SPTBN1: variants seen among roughly 807,000 people sequenced by gnomAD.
The protein encoded by SPTBN1 is spectrin beta chain, non-erythrocytic 1.
A neutral mutation model predicts 266.4 loss-of-function variants in SPTBN1; 32 were observed. The ratio of observed to expected loss-of-function variants is 0.12; its 90% confidence interval spans 0.09 to 0.16. The LOEUF (loss-of-function observed/expected upper bound fraction) is 0.16. Ranked by LOEUF, SPTBN1 falls within the 10% of genes least tolerant of loss-of-function variation. The pLI is 1.00. For synonymous variants in SPTBN1, 1,336 were observed against 1,162.2 expected, an observed-to-expected ratio of 1.15 and a Z score of -3.04; for missense variants, 2,296 against 3,067.1, an observed-to-expected ratio of 0.75 and a Z score of 5.94.
At chr2:54,477,879 C>T (rs560851263) in intron 1 of SPTBN1, among the ~76,000 whole-genome samples, 1 of 152,012 alleles carries the variant, frequency 6.6e-6, no homozygotes, top group South Asian at 2.1e-4. Context: ...CCGCTGCATT[C>T]CAGCCTGGGT....
intron 2 of SPTBN1, among the ~76,000 whole-genome samples, chr2:54,549,450 C>T (rs1396531236): frequency 2.6e-5 from 4 of 152,110 alleles, no homozygotes; most frequent in Non-Finnish European, 2.9e-5. Flanking sequence ...TTTTCTATTT[C>T]GGATCCTTTG....
Position 54,628,088 on chromosome 2 carries a change from T to C in SPTBN1, c.1645-9T>C. The C allele has an allele frequency of 6.2e-7, 1 of 1,602,752 alleles. No individual in the cohort carries two copies. The highest frequency in any genetic ancestry group is 8.5e-7 in the Non-Finnish European group (1 of 1,174,584). On this transcript the variant is annotated splice_polypyrimidine_tract_variant and intron_variant, in intron 12 of 35. Coordinates refer to ENST00000356805, the MANE Select transcript of SPTBN1 (RefSeq NM_003128.3). The surrounding 1 kb of genome is among the most constrained non-coding windows in gnomAD (Gnocchi z 4.3). ...CACAGATGTCCTTTTGGTTGCTTCT[T>C]GTGCACAGGTGCTAGTATTGTCTCA...
intron 1 of SPTBN1, among the ~76,000 whole-genome samples, chr2:54,484,777 G>C (rs1363508991): frequency 2.8e-5 from 4 of 141,656 alleles, no homozygotes. Context: ...GGTTGTGTCG[G>C]AGACAAGCTC....
chr2:54,565,222 T>G (rs1163159718), intron 2 of SPTBN1, among the ~76,000 whole-genome samples: 3 of 152,156 alleles, frequency 2.0e-5, no homozygotes, highest in Non-Finnish European at 4.4e-5. Flanking sequence ...CTTTGCAAAA[T>G]TTTGTGGTGG....
intron 26 of SPTBN1, 142 bp downstream of exon 26, chr2:54,650,131 A>G (rs1375806003): frequency 3.6e-6 from 4 of 1,114,498 alleles, no homozygotes; most frequent in Non-Finnish European, 3.8e-6. Flanking sequence ...ACTTTGTAAT[A>G]GTGCTCCATT....
In SPTBN1 at chr2:54,628,833, T is replaced by A; in HGVS notation, c.1799-100T>A. The stretch of plus-strand genomic sequence containing the variant: ...GCATTTACATTTAGCAGTGAGCTGG[T>A]AATCATAAGAATATGGGGTGTAGCT... On this transcript the variant is annotated intron_variant, in intron 13 of 35. Transcript: ENST00000356805. The surrounding 1 kb of genome is among the most constrained non-coding windows in gnomAD (Gnocchi z 4.3). 7.0e-7 allele frequency: 1 copy of A among 1,437,154 alleles called. No individual in the cohort carries two copies. Among genetic ancestry groups the A allele is most frequent in the Non-Finnish European group, 9.3e-7 (1 of 1,072,686 alleles). 89.0% of individuals were successfully genotyped at this position (1,437,154 alleles called of 1,614,324 possible).
Position 54,618,089 on chromosome 2 carries a change from T to C in SPTBN1, c.659T>C (p.Ile220Thr). 6.2e-7 allele frequency: 1 copy of C among 1,614,154 alleles called. No individual in the cohort carries two copies. Among genetic ancestry groups the C allele is most frequent in the Non-Finnish European group, 8.5e-7 (1 of 1,179,968 alleles). ...ALIHKHRPDL[I>T]DFDKLKKSNA... is the part of the protein sequence containing the mutation. Reference sequence around the variant, plus strand: ...GTTGTTCTGCACAGGCCTGACCTGATAGATTTTGACAAACTAAAGAAATCT... The same window carrying C: ...GTTGTTCTGCACAGGCCTGACCTGACAGATTTTGACAAACTAAAGAAATCT... The change falls in exon 7 of 36, where the codon ATA (isoleucine) becomes ACA (threonine). Residue 220 changes from isoleucine (I) to threonine (T), a missense_variant. By Grantham distance (89) the Ile-to-Thr change is moderately conservative. Coordinates refer to ENST00000356805, the MANE Select transcript of SPTBN1 (RefSeq NM_003128.3).
chr2:54,475,187 CAA>C (rs960879901), intron 1 of SPTBN1, among the ~76,000 whole-genome samples: 7 of 152,056 alleles, frequency 4.6e-5, no homozygotes, highest in African/African-American at 1.4e-4. Flanking sequence ...GCCTGGGTGA[CAA>C]GAGCGAAACT....
chr2:54,646,983 T>C lies in SPTBN1; in HGVS notation c.4867-148T>C. On this transcript the variant is annotated intron_variant, in intron 23 of 35. Transcript: ENST00000356805. This position sits in a 1 kb window ranked among gnomAD's most constrained non-coding sequence, Gnocchi z 4.4. ...GTCCATATGGAAGCTCTTGGAACAC[T>C]TCTGTGTTCCACTGTCCGTACTGCA... 8.8e-7 allele frequency: 1 copy of C among 1,134,402 alleles called. No homozygotes were observed. The highest frequency in any genetic ancestry group is 1.2e-6 in the Non-Finnish European group (1 of 811,044). 70.3% of individuals were successfully genotyped at this position (1,134,402 alleles called of 1,614,324 possible).
At position 54,646,555 on chromosome 2, in the gene SPTBN1, G is replaced by A; in HGVS notation, c.4866+80G>A. On this transcript the variant is annotated intron_variant, in intron 23 of 35. Coordinates refer to ENST00000356805, the MANE Select transcript of SPTBN1 (RefSeq NM_003128.3). This position sits in a 1 kb window ranked among gnomAD's most constrained non-coding sequence, Gnocchi z 4.4. The stretch of plus-strand genomic sequence containing the variant: ...GGGCACACTTTCTGCTGGCGGCTCT[G>A]TCTGTATAAAAACTTCCCTTGTAGC... 7.1e-7 allele frequency: 1 copy of A among 1,415,858 alleles called. No individual in the cohort carries two copies. The highest frequency in any genetic ancestry group is 9.2e-7 in the Non-Finnish European group (1 of 1,083,994). 87.7% of individuals were successfully genotyped at this position (1,415,858 alleles called of 1,614,324 possible).
chr2:54,519,964 G>A (rs1670339179), intron 1 of SPTBN1, among the ~76,000 whole-genome samples: 1 of 152,182 alleles, frequency 6.6e-6, no homozygotes, highest in African/African-American at 2.4e-5. Context: ...AGGAGATGCA[G>A]GGCGTAGAGG....
chr2:54,470,630 T>C (rs752940732), intron 1 of SPTBN1, among the ~76,000 whole-genome samples: 2 of 152,224 alleles, frequency 1.3e-5, no homozygotes, highest in Non-Finnish European at 2.9e-5. Context: ...TTGCCAAATA[T>C]TAAAAATTAG....
rs1479567789 is a variant in SPTBN1 at position 54,629,372 on chromosome 2, G to C, written c.2238G>C (p.Leu746=). The C allele has an allele frequency of 6.2e-7, 1 of 1,614,124 alleles. No homozygotes were observed. The highest frequency in any genetic ancestry group is 8.5e-7 in the Non-Finnish European group (1 of 1,180,044). ...RKKRLEEASL[L]HQFQADADDI... is the part of the protein sequence containing the mutation. ...AGCGCCTGGAGGAGGCCTCCCTGCT[G>C]CACCAGTTCCAGGCAGATGCTGATG... is the stretch of plus-strand genomic sequence containing the variant. The change falls in exon 14 of 36, where the codon CTG becomes CTC. Residue 746 remains leucine, a synonymous_variant. Transcript: ENST00000356805.
chr2:54,670,381 C>G lies in SPTBN1; in HGVS notation c.*1812C>G, dbSNP rs1241944326. 1 of 256,042 alleles carries G rather than the reference C, an allele frequency of 3.9e-6. No individual in the cohort carries two copies. Among genetic ancestry groups the G allele is most frequent in the South Asian group, 1.7e-4 (1 of 5,746 alleles). The allele number at this position is 256,042 out of a possible 1,614,324, so 15.9% of individuals were successfully genotyped here. ...CAATGGATATTAGTATTATGGATGT[C>G]CAGTAAGTTATTCCACAAAGACCAT... On this transcript the variant is annotated 3_prime_UTR_variant, in exon 36 of 36. Transcript: ENST00000356805.
intron 2 of SPTBN1, among the ~76,000 whole-genome samples, chr2:54,564,114 C>T (rs1244640129): frequency 6.6e-6 from 1 of 152,180 alleles, no homozygotes; most frequent in Non-Finnish European, 1.5e-5. Context: ...GATTTCTGGA[C>T]ATGGGCTGCT....
intron 2 of SPTBN1, among the ~76,000 whole-genome samples, chr2:54,541,214 A>T (rs915745970): frequency 1.3e-5 from 2 of 152,176 alleles, no homozygotes; most frequent in East Asian, 3.8e-4. Context: ...TAGCCCCATT[A>T]TATGTCTCTA....
At chr2:54,569,340 T>C (rs1391157760) in intron 2 of SPTBN1, among the ~76,000 whole-genome samples, 1 of 152,208 alleles carries the variant, frequency 6.6e-6, no homozygotes, top group East Asian at 1.9e-4. Flanking sequence ...AAGTTAAATT[T>C]CTAGCTGTTC....
chr2:54,634,703 G>C (rs149779185), intron 17 of SPTBN1, among the ~76,000 whole-genome samples: 1 of 152,158 alleles, frequency 6.6e-6, no homozygotes, highest in East Asian at 1.9e-4. Context: ...CCCGCTCCTC[G>C]AAACATCCTG....
chr2:54,617,680 C>T lies in SPTBN1; in HGVS notation c.639C>T (p.His213=), dbSNP rs1360748333. 6.2e-7 allele frequency: 1 copy of T among 1,613,926 alleles called. No homozygotes were observed. The highest frequency in any genetic ancestry group is 1.3e-5 in the African/African-American group (1 of 74,934). ...RDGMAFNALI[H]KHRPDLIDFD... ...GCATGGCCTTCAATGCACTGATACA[C>T]AAACACCGGTAAGTCCATACAAATC... The change falls in exon 6 of 36, where the codon CAC becomes CAT. Residue 213 remains histidine, a synonymous_variant. Transcript: ENST00000356805.
Sources: allele counts gnomAD v4.1 joint callset (sites outside exome capture counted in the v4.1 genomes callset), GRCh38; gene constraint gnomAD v4.1.1; non-coding constraint Gnocchi (gnomAD v3.1); transcripts MANE v1.5; gene names NCBI Gene and HGNC (gene_info 2026-07-23, HGNC 2026-07-21).